PCNX3: variants seen among roughly 807,000 people sequenced by gnomAD.
PCNX3 encodes the protein pecanex-like protein 3.
Under a neutral mutation model 207.2 loss-of-function variants are expected in PCNX3, and 58 were observed. That is an observed-to-expected ratio of 0.28 (90% confidence interval 0.23 to 0.35). The LOEUF (loss-of-function observed/expected upper bound fraction) is 0.35. PCNX3 is among the 10% of genes least tolerant of loss of function. PCNX3 has a pLI of 1.00. For synonymous variants in PCNX3, 1,337 were observed against 1,183.5 expected (o/e 1.13, Z -2.66); for missense variants, 2,410 against 2,774.4 (o/e 0.87, Z 2.95).
In PCNX3 at chr11:65,616,449, C is replaced by T. The variant is rs760303650; in HGVS notation, c.138C>T (p.Pro46=). 5.6e-6 allele frequency: 9 copies of T among 1,608,254 alleles called. No homozygotes were observed. The highest frequency in any genetic ancestry group is 1.7e-4 in the Middle Eastern group (1 of 6,050). The change falls in exon 1 of 35, where the codon CCC becomes CCT. Residue 46 remains proline, a synonymous_variant. Coordinates refer to ENST00000355703, the MANE Select transcript of PCNX3 (RefSeq NM_032223.4). ...LYVWIFLLIF[P]FLLYMVLPPS... ...TCTGGATCTTCCTGCTCATCTTTCC[C>T]TTCTTACTGTACATGGTGAGACGCC...
intron 22 of PCNX3, among the ~76,000 whole-genome samples, chr11:65,627,955 G>A (rs562095463): frequency 1.3e-5 from 2 of 152,192 alleles, no homozygotes; most frequent in Non-Finnish European, 2.9e-5. Context: ...AGCAGTCCGA[G>A]CTGAGTTTCA....
chr11:65,627,788 C>G (rs1855464719), intron 22 of PCNX3, among the ~76,000 whole-genome samples: 1 of 152,128 alleles, frequency 6.6e-6, no homozygotes. Context: ...GGACTTGCCT[C>G]AGGCTTCCAG....
rs1205963143 is a variant in PCNX3, at chr11:65,619,019, C to A, written c.1657C>A (p.Gln553Lys). The change falls in exon 6 of 35, where the codon CAG becomes AAG. Residue 553 changes from glutamine (Q) to lysine (K), a missense_variant. Gln to Lys is a moderately conservative substitution (Grantham distance 53, BLOSUM62 1). Around this residue, in one of 8 missense-constraint regions of PCNX3, gnomAD observed 1,104 missense variants for 970.3 expected, o/e 1.14. Coordinates refer to ENST00000355703, the MANE Select transcript of PCNX3 (RefSeq NM_032223.4). Reference protein sequence around the residue: ...AEARRGPAANQPGWRGELQEE... With the variant: ...AEARRGPAANKPGWRGELQEE... ...GGCGCGAAGGGGACCCGCTGCCAAC[C>A]AGCCCGGCTGGCGGGGGGAGCTGCA... is the stretch of plus-strand genomic sequence containing the variant. The A allele has an allele frequency of 5.0e-6, 8 of 1,595,748 alleles. No homozygotes were observed. In the South Asian group the frequency reaches 8.9e-5, roughly 18 times the overall value.
chr11:65,616,112 C>T lies in PCNX3; in HGVS notation c.-200C>T, dbSNP rs939805424. ...TGCAGCCCCACCCCCGCGTCCGGGC[C>T]TTGCACCACTGACTGTCCCGGCCGG... On this transcript the variant is annotated 5_prime_UTR_variant, in exon 1 of 35. Coordinates refer to ENST00000355703, the MANE Select transcript of PCNX3 (RefSeq NM_032223.4). 5 of 369,716 alleles carry T rather than the reference C, an allele frequency of 1.4e-5. No homozygotes were observed. The highest frequency in any genetic ancestry group is 2.1e-5 in the African/African-American group (1 of 46,982). 22.9% of individuals were successfully genotyped at this position (369,716 alleles called of 1,614,324 possible).
At chr11:65,632,788 A>G (rs1855668802) in intron 27 of PCNX3, among the ~76,000 whole-genome samples, 1 of 150,820 alleles carries the variant, frequency 6.6e-6, no homozygotes, top group Non-Finnish European at 1.5e-5. Context: ...TCTGTCACCC[A>G]GGCTGGAGTG....
chr11:65,635,773 T>C lies in PCNX3; in HGVS notation c.5429T>C (p.Ile1810Thr). Reference protein sequence around the residue: ...LWGGPISLGAIAHWLLRTWER... With the variant: ...LWGGPISLGATAHWLLRTWER... The stretch of plus-strand genomic sequence containing the variant: ...GGTGGCCCCATCAGCCTGGGTGCCA[T>C]TGCCCACTGGCTCCTGCGCACCTGG... Residue 1810 changes from isoleucine (I) to threonine (T), a missense_variant, in exon 32 of 35, where the codon ATT (isoleucine) becomes ACT (threonine). By Grantham distance (89) the Ile-to-Thr change is moderately conservative. This residue lies in a region of PCNX3 where 59 missense variants were observed against 83.9 expected (regional missense o/e 0.70). Transcript: ENST00000355703. The surrounding 1 kb of genome is among the most constrained non-coding windows in gnomAD (Gnocchi z 9.9). The C allele has an allele frequency of 6.2e-7, 1 of 1,603,946 alleles. No homozygotes were observed. Among genetic ancestry groups the C allele is most frequent in the Non-Finnish European group, 8.5e-7 (1 of 1,175,892 alleles).
chr11:65,632,749 T>C (rs577020911), intron 27 of PCNX3, among the ~76,000 whole-genome samples: 169 of 150,300 alleles, frequency 1.1e-3, no homozygotes, highest in Non-Finnish European at 1.8e-3. Flanking sequence ...CTTTTCTTTT[T>C]TTTATTTTTT....
At chr11:65,634,392 T>C (rs1237650150) in intron 28 of PCNX3, 36 bp downstream of exon 28, 1 of 1,541,102 alleles carries the variant, frequency 6.5e-7, no homozygotes. Context: ...CACCTGGGGC[T>C]GTGGGACCTG....
chr11:65,631,152 CA>C (rs1441699299), intron 27 of PCNX3, among the ~76,000 whole-genome samples: 3 of 151,994 alleles, frequency 2.0e-5, no homozygotes, highest in African/African-American at 7.3e-5. Flanking sequence ...GGCCCTGAGC[CA>C]CAGAGCTTTC....
intron 9 of PCNX3, 52 bp downstream of exon 9, chr11:65,620,481 C>G (rs1565157228): frequency 6.3e-7 from 1 of 1,581,012 alleles, no homozygotes; most frequent in Non-Finnish European, 8.6e-7. Flanking sequence ...GCCTGCATCT[C>G]TGGGAAGTTC....
chr11:65,625,998 T>G lies in PCNX3; in HGVS notation c.3323T>G (p.Phe1108Cys). ...LPQLRKQLPW[F>C]CLSQPVLKPL... ...CAACTCCGCAAACAGCTGCCCTGGTTCTGCCTGTCACAGCCCGTGCTGAAG... is the reference window on the plus strand; with the variant it reads ...CAACTCCGCAAACAGCTGCCCTGGTGCTGCCTGTCACAGCCCGTGCTGAAG... Residue 1108 changes from phenylalanine (F) to cysteine (C), a missense_variant, in exon 20 of 35, where the codon TTC becomes TGC. Around this residue, in one of 8 missense-constraint regions of PCNX3, gnomAD observed 333 missense variants for 386.8 expected, o/e 0.86. Coordinates refer to ENST00000355703, the MANE Select transcript of PCNX3 (RefSeq NM_032223.4). The surrounding 1 kb of genome is among the most constrained non-coding windows in gnomAD (Gnocchi z 5.6). 3.1e-6 allele frequency: 5 copies of G among 1,613,636 alleles called. No individual in the cohort carries two copies. The highest frequency in any genetic ancestry group is 4.2e-6 in the Non-Finnish European group (5 of 1,179,806).
intron 11 of PCNX3, 27 bp downstream of exon 11, chr11:65,622,393 A>G (rs1351530033): frequency 2.5e-6 from 4 of 1,578,624 alleles, no homozygotes; most frequent in South Asian, 2.3e-5. Context: ...CTTGGCCCCC[A>G]ATTCTTGGAA....
At position 65,616,283 on chromosome 11, in the gene PCNX3, G is replaced by T. The variant is rs770397589; in HGVS notation, c.-29G>T. The stretch of plus-strand genomic sequence containing the variant: ...GGCCGCCCCCATGAGGGTCCCGGGA[G>T]GGGGGGCGCGGGCAGCAGCGGCGGG... On this transcript the variant is annotated 5_prime_UTR_variant, in exon 1 of 35. The change creates a new upstream start codon in the 5' untranslated region. Coordinates refer to ENST00000355703, the MANE Select transcript of PCNX3 (RefSeq NM_032223.4). 3 of 1,531,432 alleles carry T rather than the reference G, an allele frequency of 2.0e-6. No homozygotes were observed. The highest frequency in any genetic ancestry group is 2.6e-6 in the Non-Finnish European group (3 of 1,145,080). 94.9% of individuals were successfully genotyped at this position (1,531,432 alleles called of 1,614,324 possible). A position where few individuals can be genotyped will look rare whatever the true frequency, so the allele number is the denominator to read the frequency against.
In PCNX3 at chr11:65,636,521, A is replaced by G. The variant is rs1855849117; in HGVS notation, c.5724A>G (p.Ala1908=). 1.9e-6 allele frequency: 3 copies of G among 1,585,506 alleles called. No homozygotes were observed. Among genetic ancestry groups the G allele is most frequent in the Non-Finnish European group, 2.6e-6 (3 of 1,167,728 alleles). Residue 1908 remains alanine, a synonymous_variant, in exon 34 of 35, where the codon GCA becomes GCG. Transcript: ENST00000355703. ...CTCGGCTCCCTGGACCACCCCCTGCATCGCCTATCCCCACAGAGGGTCCCC... is the reference window on the plus strand; with the variant it reads ...CTCGGCTCCCTGGACCACCCCCTGCGTCGCCTATCCCCACAGAGGGTCCCC... The part of the protein sequence containing the change: ...PPPRLPGPPP[A]SPIPTEGPRT...
At position 65,634,953 on chromosome 11, in the gene PCNX3, C is replaced by G; in HGVS notation, c.4806-20C>G. 2 of 1,603,938 alleles carry G rather than the reference C, an allele frequency of 1.2e-6. No homozygotes were observed. The highest frequency in any genetic ancestry group is 2.2e-5 in the South Asian group (2 of 90,292). On this transcript the variant is annotated intron_variant, in intron 29 of 34. Coordinates refer to ENST00000355703, the MANE Select transcript of PCNX3 (RefSeq NM_032223.4). Reference sequence around the variant, plus strand: ...TCCTCGACACCCCTCTCTCCCCTCCCTGTTTTTCCTCCCACTTAGCCTGGA... The same window carrying G: ...TCCTCGACACCCCTCTCTCCCCTCCGTGTTTTTCCTCCCACTTAGCCTGGA...
In PCNX3 at chr11:65,616,236, G is replaced by A. The variant is rs1406279600; in HGVS notation, c.-76G>A. The A allele has an allele frequency of 5.8e-5, 72 of 1,247,224 alleles. 1 individual carries two copies. The South Asian group carries it at 1.2e-3, about 20-fold the overall frequency. The allele number at this position is 1,247,224 out of a possible 1,614,324, so 77.3% of individuals were successfully genotyped here. Reference sequence around the variant, plus strand: ...AGGCCGGGCCCCGGGGCCCTCAGGCGCCAGACGGGGCATGGGCCGGGGGCC... The same window carrying A: ...AGGCCGGGCCCCGGGGCCCTCAGGCACCAGACGGGGCATGGGCCGGGGGCC... On this transcript the variant is annotated 5_prime_UTR_variant, in exon 1 of 35. Transcript: ENST00000355703.
intron 24 of PCNX3, 55 bp downstream of exon 24, chr11:65,629,003 G>A: frequency 6.3e-7 from 1 of 1,594,472 alleles, no homozygotes; most frequent in South Asian, 1.1e-5. Flanking sequence ...GGAGAGGTTT[G>A]GAGCCCAGGC....
Position 65,636,408 on chromosome 11 carries a change from C to A in PCNX3, c.5611C>A (p.Leu1871Ile), listed in dbSNP as rs755749792. Residue 1871 changes from leucine to isoleucine, a missense_variant, in exon 34 of 35, where the codon CTC becomes ATC. By Grantham distance (5) the Leu-to-Ile change is conservative. Transcript: ENST00000355703. ...TCCTACAGGCAATGGTGACCAACCC[C>A]TCCCACCAGGCCCTGGCTGGGGGCC... ...ENTAGNGDQP[L>I]PPGPGWGPRS... 6.4e-7 allele frequency: 1 copy of A among 1,557,476 alleles called. No homozygotes were observed. Among genetic ancestry groups the A allele is most frequent in the South Asian group, 1.2e-5 (1 of 82,556 alleles).
At position 65,636,544 on chromosome 11, in the gene PCNX3, C is replaced by A; in HGVS notation, c.5747C>A (p.Pro1916His). 6.3e-7 allele frequency: 1 copy of A among 1,596,142 alleles called. No homozygotes were observed. The highest frequency in any genetic ancestry group is 8.5e-7 in the Non-Finnish European group (1 of 1,173,038). The stretch of plus-strand genomic sequence containing the variant: ...GCATCGCCTATCCCCACAGAGGGTC[C>A]CCGGACCTCACGGCCCCCTGGCCCG... ...PPASPIPTEG[P>H]RTSRPPGPGL... is the part of the protein sequence containing the mutation. Residue 1916 changes from proline to histidine, a missense_variant, in exon 34 of 35, where the codon CCC becomes CAC. Transcript: ENST00000355703.
Sources: gnomAD v4.1 joint callset for allele counts (sites outside exome capture counted in the v4.1 genomes callset) on GRCh38, gnomAD v4.1.1 for gene constraint, gnomAD v4.1.1 regional missense constraint, Gnocchi (gnomAD v3.1) non-coding constraint, MANE v1.5 for transcripts, NCBI Gene and HGNC (gene_info 2026-07-23, HGNC 2026-07-21) for gene names.